TBCK: variants seen among roughly 807,000 people sequenced by gnomAD.
The protein encoded by TBCK is TBC1 domain containing kinase.
A neutral mutation model predicts 113.4 loss-of-function variants in TBCK; 99 were observed. That is an observed-to-expected ratio of 0.87 (90% CI 0.74 to 1.03). The LOEUF (loss-of-function observed/expected upper bound fraction) is 1.03, where lower values mean the gene tolerates loss of function less well. Ranked by LOEUF, TBCK falls within the 50% of genes least tolerant of loss-of-function variation. The pLI, the probability that TBCK is intolerant of heterozygous loss-of-function variation, is 0.00. For synonymous variants in TBCK, 369 were observed against 370.8 expected (o/e 1.00, Z 0.05); for missense variants, 1,045 against 1,061.3 (o/e 0.98, Z 0.21).
intron 11 of TBCK, among the ~76,000 whole-genome samples, chr4:106,243,416 T>C (rs1434982503): frequency 1.3e-5 from 2 of 152,198 alleles, no homozygotes; most frequent in Non-Finnish European, 2.9e-5. Flanking sequence ...AAAATTTGTT[T>C]ACAATTTCAA....
intron 25 of TBCK, among the ~76,000 whole-genome samples, chr4:106,066,330 GT>G (rs1736630113): frequency 6.6e-6 from 1 of 151,816 alleles, no homozygotes; most frequent in South Asian, 2.1e-4. Flanking sequence ...AAGAAAAGCT[GT>G]TAGTTTCCGA....
At chr4:106,150,907 T>C (rs910030191) in intron 23 of TBCK, among the ~76,000 whole-genome samples, 1 of 152,064 alleles carries the variant, frequency 6.6e-6, no homozygotes, top group Non-Finnish European at 1.5e-5. Flanking sequence ...GAACATACTA[T>C]TTCTCAGAGC....
chr4:106,251,033 C>T (rs1301514805), intron 6 of TBCK: 1 of 186,614 alleles, frequency 5.4e-6, no homozygotes, highest in Non-Finnish European at 1.2e-5. Context: ...TACTAGTCTG[C>T]CTCAGGAGGC....
At chr4:106,159,411 A>G (rs886903573) in intron 23 of TBCK, among the ~76,000 whole-genome samples, 9 of 152,116 alleles carry the variant, frequency 5.9e-5, no homozygotes, top group African/African-American at 2.2e-4. Context: ...ACACTGTTAG[A>G]ACTAATAATG....
At chr4:106,228,561 A>G (rs1392849518) in intron 19 of TBCK, among the ~76,000 whole-genome samples, 1 of 151,968 alleles carries the variant, frequency 6.6e-6, no homozygotes, top group Non-Finnish European at 1.5e-5. Flanking sequence ...CATGTTGTTG[A>G]AAATGACGGG....
At chr4:106,125,662 C>T (rs1745109452) in intron 23 of TBCK, among the ~76,000 whole-genome samples, 1 of 151,800 alleles carries the variant, frequency 6.6e-6, no homozygotes, top group Admixed American at 6.6e-5. Context: ...AAGTTGATCT[C>T]ATGGAAGTAG....
At chr4:106,233,859 C>A (rs1759156328) in intron 15 of TBCK, among the ~76,000 whole-genome samples, 1 of 151,966 alleles carries the variant, frequency 6.6e-6, no homozygotes, top group Non-Finnish European at 1.5e-5. Flanking sequence ...TGACAATTTG[C>A]CATTTTGCTG....
intron 25 of TBCK, among the ~76,000 whole-genome samples, chr4:106,084,139 C>T (rs550453326): frequency 1.1e-4 from 17 of 152,154 alleles, no homozygotes; most frequent in Middle Eastern, 3.4e-3. Context: ...AAAACTATGA[C>T]GAGGTAAAGG....
At chr4:106,120,135 A>G (rs56968718) in intron 23 of TBCK, among the ~76,000 whole-genome samples, 2,102 of 152,292 alleles carry the variant, frequency 0.014, 56 homozygotes, top group African/African-American at 0.047. Flanking sequence ...GAAGCAGGGC[A>G]AGGCATTGCC....
intron 19 of TBCK, among the ~76,000 whole-genome samples, chr4:106,228,438 T>TC (rs1403779409): frequency 6.6e-6 from 1 of 151,628 alleles, no homozygotes; most frequent in Non-Finnish European, 1.5e-5. Context: ...ACTCTCTATC[T>TC]CCATGAGTTC....
chr4:106,247,149 C>G lies in TBCK; in HGVS notation c.921G>C (p.Gln307His). The change falls in exon 10 of 26, where the codon CAG (glutamine) becomes CAC (histidine). Residue 307 changes from glutamine to histidine, a missense_variant. Physicochemically the swap from Gln to His is conservative, Grantham distance 24. Coordinates refer to ENST00000394708, the MANE Select transcript of TBCK (RefSeq NM_001163435.3). The stretch of plus-strand genomic sequence containing the variant: ...TTAATTTATCATTACCTTTACACAA[C>G]TGACTGATATCCTCAGGCAGAGTTA... Reference protein sequence around the residue: ...ADLTLPEDISQLCKDINNDYL... With the variant: ...ADLTLPEDISHLCKDINNDYL... 1.9e-6 allele frequency: 3 copies of G among 1,612,388 alleles called. No homozygotes were observed. Among genetic ancestry groups the G allele is most frequent in the African/African-American group, 1.3e-5 (1 of 74,948 alleles).
intron 20 of TBCK, among the ~76,000 whole-genome samples, chr4:106,196,191 TA>T (rs1245935018): frequency 6.6e-6 from 1 of 151,892 alleles, no homozygotes; most frequent in Non-Finnish European, 1.5e-5. Context: ...TATAGCTATA[TA>T]TATAGTATAT....
chr4:106,232,975 G>A lies in TBCK; in HGVS notation c.1602C>T (p.Ala534=), dbSNP rs754382394. ...CAAGATCAGGATGAGACACTACCCA[G>A]GCTTTTAATACACGCCTAAATTTTG... The part of the protein sequence containing the change: ...GHAKFRRVLK[A]WVVSHPDLVY... The change falls in exon 17 of 26, where the codon GCC becomes GCT. Residue 534 remains alanine, a synonymous_variant. Transcript: ENST00000394708. 2 of 1,612,296 alleles carry A rather than the reference G, an allele frequency of 1.2e-6. No individual in the cohort carries two copies. The highest frequency in any genetic ancestry group is 1.3e-5 in the African/African-American group (1 of 74,934).
At chr4:106,113,714 A>C (rs1743136152) in intron 24 of TBCK, among the ~76,000 whole-genome samples, 1 of 152,232 alleles carries the variant, frequency 6.6e-6, no homozygotes, top group Admixed American at 6.5e-5. Context: ...AAGAGAAGTC[A>C]GAAGACTGAG....
chr4:106,196,889 A>G (rs1268402714), intron 20 of TBCK, among the ~76,000 whole-genome samples: 2 of 152,120 alleles, frequency 1.3e-5, no homozygotes, highest in African/African-American at 4.8e-5. Context: ...TATTTCAGCA[A>G]CTAGCTAACA....
intron 12 of TBCK, chr4:106,237,466 G>C (rs1157146989): frequency 2.2e-6 from 1 of 455,282 alleles, no homozygotes; most frequent in Non-Finnish European, 4.4e-6. Context: ...CCTAAGCAAG[G>C]TGATTAAAGT....
At chr4:106,292,788 G>T (rs182687562) in intron 3 of TBCK, among the ~76,000 whole-genome samples, 1 of 152,246 alleles carries the variant, frequency 6.6e-6, no homozygotes, top group East Asian at 1.9e-4. Context: ...CACAGAATAG[G>T]TCACAAAGCT....
At chr4:106,300,156 C>T (rs1012764510) in intron 2 of TBCK, among the ~76,000 whole-genome samples, 2 of 152,160 alleles carry the variant, frequency 1.3e-5, no homozygotes, top group Admixed American at 6.5e-5. Context: ...CCATGTAAGA[C>T]GTGACTTGCT....
intron 4 of TBCK, among the ~76,000 whole-genome samples, chr4:106,261,046 A>T (rs541243792): frequency 1.7e-4 from 26 of 152,196 alleles, no homozygotes; most frequent in African/African-American, 5.1e-4. Context: ...AATAACTATC[A>T]TAAGTATAAG....
Sources: gnomAD v4.1 joint callset for allele counts (sites outside exome capture counted in the v4.1 genomes callset) on GRCh38, gnomAD v4.1.1 for gene constraint, MANE v1.5 for transcripts, NCBI Gene and HGNC (gene_info 2026-07-23, HGNC 2026-07-21) for gene names.